The following IL1RAPL2 variants were observed in gnomAD, a reference collection of about 807,000 sequenced individuals.
IL1RAPL2 encodes X-linked interleukin-1 receptor accessory protein-like 2.
IL1RAPL2 carries 3 observed loss-of-function variants against 44.1 expected under a neutral mutation model. That is an observed-to-expected ratio of 0.07 (90% CI 0.03 to 0.18). IL1RAPL2 has a LOEUF of 0.18. Ranked by LOEUF, IL1RAPL2 falls within the 10% of genes least tolerant of loss-of-function variation. The probability of loss-of-function intolerance (pLI) is 1.00; values close to 1 mark genes in which losing one functional copy is unlikely to be tolerated. For missense variants in IL1RAPL2, 391 were observed against 496.4 expected (o/e 0.79, Z 2.02); for synonymous variants, 181 against 178.8 (o/e 1.01, Z -0.10).
At chrX:105,542,691 T>TTTTA (rs1225259466) in intron 6 of IL1RAPL2, among the ~76,000 whole-genome samples, 6,178 of 96,016 alleles carry the variant, frequency 0.064, 388 homozygotes, top group African/African-American at 0.18. Flanking sequence ...TTTTTATATT[T>TTTTA]TTTATTTATT....
intron 2 of IL1RAPL2, among the ~76,000 whole-genome samples, chrX:104,923,213 TAAG>T (rs935310723): frequency 7.2e-5 from 8 of 111,871 alleles, no homozygotes; most frequent in African/African-American, 2.3e-4. Flanking sequence ...AAGAAAATAA[TAAG>T]AAGTTTGGAA....
At chrX:105,320,000 ATGTG>A (rs746876174) in intron 5 of IL1RAPL2, among the ~76,000 whole-genome samples, 1 of 109,652 alleles carries the variant, frequency 9.1e-6, no homozygotes, top group African/African-American at 3.3e-5. Context: ...GTGTGTGTAT[ATGTG>A]TGTGTGTGTG....
At chrX:105,287,224 G>C (rs1010108976) in intron 5 of IL1RAPL2, among the ~76,000 whole-genome samples, 1 of 111,800 alleles carries the variant, frequency 8.9e-6, no homozygotes, top group African/African-American at 3.3e-5. Context: ...CTTAAGCAGA[G>C]ATATAAAGAG....
chrX:105,504,092 G>A (rs982148394), intron 6 of IL1RAPL2, among the ~76,000 whole-genome samples: 1 of 112,017 alleles, frequency 8.9e-6, no homozygotes. Context: ...CTGTATGACA[G>A]TGAACATCTG....
chrX:105,361,172 A>T (rs1178072382), intron 5 of IL1RAPL2, among the ~76,000 whole-genome samples: 1 of 111,414 alleles, frequency 9.0e-6, no homozygotes, highest in Non-Finnish European at 1.9e-5. Flanking sequence ...AAAAATAAAT[A>T]GAATTGAGCA....
At chrX:105,650,021 G>A (rs371517736) in intron 6 of IL1RAPL2, among the ~76,000 whole-genome samples, 2 of 111,141 alleles carry the variant, frequency 1.8e-5, no homozygotes, top group East Asian at 2.8e-4. Flanking sequence ...TGATATAGGG[G>A]CTAATAGGAG....
intron 2 of IL1RAPL2, among the ~76,000 whole-genome samples, chrX:104,884,113 G>A (rs1923159122): frequency 9.1e-6 from 1 of 109,627 alleles, no homozygotes; most frequent in Non-Finnish European, 1.9e-5. Context: ...GGACAGGCAA[G>A]GGTGCAGGTT....
At chrX:104,601,977 T>C (rs1306140798) in intron 1 of IL1RAPL2, among the ~76,000 whole-genome samples, 1 of 112,155 alleles carries the variant, frequency 8.9e-6, no homozygotes, top group Non-Finnish European at 1.9e-5. Context: ...AGCAAAGACA[T>C]GTAATCAACC....
intron 2 of IL1RAPL2, among the ~76,000 whole-genome samples, chrX:104,971,354 T>TAAATA (rs761948001): frequency 4.1e-4 from 45 of 110,608 alleles, no homozygotes; most frequent in Non-Finnish European, 8.1e-4. Flanking sequence ...TCTCAAAAAA[T>TAAATA]AAATAAAATA....
chrX:104,801,288 G>A (rs1384338287), intron 2 of IL1RAPL2, among the ~76,000 whole-genome samples: 1 of 111,599 alleles, frequency 9.0e-6, no homozygotes, highest in Non-Finnish European at 1.9e-5. Context: ...TACTTAGACT[G>A]AGTAAAAGTA....
intron 2 of IL1RAPL2, among the ~76,000 whole-genome samples, chrX:104,906,234 A>AAATG (rs1923998319): frequency 9.0e-6 from 1 of 111,520 alleles, no homozygotes; most frequent in African/African-American, 3.3e-5. Flanking sequence ...TAGATATACA[A>AAATG]TCATGTCATC....
intron 6 of IL1RAPL2, among the ~76,000 whole-genome samples, chrX:105,644,611 A>G (rs982393481): frequency 9.1e-6 from 1 of 110,299 alleles, no homozygotes; most frequent in Non-Finnish European, 1.9e-5. Context: ...TTATTTTCTT[A>G]TTTTTTTTAA....
intron 2 of IL1RAPL2, among the ~76,000 whole-genome samples, chrX:104,969,552 C>T (rs1258198871): frequency 9.0e-6 from 1 of 111,087 alleles, no homozygotes; most frequent in Non-Finnish European, 1.9e-5. Flanking sequence ...ATCAAAAGCA[C>T]CACTTAAAAG....
chrX:105,433,362 A>G (rs1373706912), intron 5 of IL1RAPL2, among the ~76,000 whole-genome samples: 1 of 111,390 alleles, frequency 9.0e-6, no homozygotes, highest in Admixed American at 9.6e-5. Context: ...ACCTAAATGA[A>G]TTAAATGGTT....
chrX:105,090,403 C>T (rs932682507), intron 2 of IL1RAPL2, among the ~76,000 whole-genome samples: 6 of 112,044 alleles, frequency 5.4e-5, no homozygotes, highest in African/African-American at 1.9e-4. Context: ...CTGTACAGTT[C>T]AAACCCATGT....
intron 2 of IL1RAPL2, among the ~76,000 whole-genome samples, chrX:105,031,860 CT>C (rs1032632738): frequency 1.8e-5 from 2 of 111,497 alleles, no homozygotes; most frequent in East Asian, 2.8e-4. Flanking sequence ...TGGTCCTGGA[CT>C]TTTTTTGGTT....
At chrX:105,155,063 T>C (rs1382282093) in intron 2 of IL1RAPL2, among the ~76,000 whole-genome samples, 1 of 111,461 alleles carries the variant, frequency 9.0e-6, no homozygotes, top group Non-Finnish European at 1.9e-5. Context: ...ATTAATTCCT[T>C]TGTATTCCCA....
chrX:104,739,022 A>G (rs933871619), intron 2 of IL1RAPL2, among the ~76,000 whole-genome samples: 1 of 111,453 alleles, frequency 9.0e-6, no homozygotes, highest in Non-Finnish European at 1.9e-5. Context: ...GCTTTTGGCC[A>G]TTCTATTTCA....
At chrX:104,707,394 C>T (rs1427654543) in intron 2 of IL1RAPL2, among the ~76,000 whole-genome samples, 2 of 111,562 alleles carry the variant, frequency 1.8e-5, no homozygotes, top group Non-Finnish European at 3.8e-5. Flanking sequence ...GGCCAGAAAA[C>T]CTAGTATGAA....
Sources: gnomAD v4.1 joint callset for allele counts (sites outside exome capture counted in the v4.1 genomes callset) on GRCh38, gnomAD v4.1.1 for gene constraint, MANE v1.5 for transcripts, NCBI Gene and HGNC (gene_info 2026-07-23, HGNC 2026-07-21) for gene names.